The following SFXN5 variants were observed in gnomAD, a reference collection of about 807,000 sequenced individuals.
SFXN5 encodes the protein sideroflexin-5.
Under a neutral mutation model 50.2 loss-of-function variants are expected in SFXN5, and 43 were observed. The observed-to-expected ratio is 0.86, with a 90% CI of 0.67 to 1.11. The LOEUF (loss-of-function observed/expected upper bound fraction) is 1.11, where lower values mean the gene tolerates loss of function less well. Among genes scored for constraint, SFXN5 ranks in the 50% least tolerant of loss-of-function variants. The probability of loss-of-function intolerance (pLI) is 0.00; values close to 1 mark genes in which losing one functional copy is unlikely to be tolerated. For synonymous variants in SFXN5, 203 were observed against 185.8 expected, an observed-to-expected ratio of 1.09 and a Z score of -0.75; for missense variants, 463 against 454.1, an observed-to-expected ratio of 1.02 and a Z score of -0.18.
intron 4 of SFXN5, among the ~76,000 whole-genome samples, chr2:73,022,801 C>T (rs1237274254): frequency 1.3e-5 from 2 of 152,198 alleles, no homozygotes; most frequent in Non-Finnish European, 2.9e-5. Flanking sequence ...GGGCCATAAA[C>T]AGATAGCACC....
At position 73,067,248 on chromosome 2, in the gene SFXN5, G is replaced by T. The variant is rs10180412; in HGVS notation, c.102+4356C>A. Among the ~76,000 whole-genome samples the T allele has an allele frequency of 8.8e-3, 1,341 of 152,232 alleles. 23 individuals carry two copies. Among genetic ancestry groups the T allele is most frequent in the African/African-American group, 0.031 (1,271 of 41,528 alleles). ...ATAAAATATCTTCCAAAATTGTCAA[G>T]GTCATCAAAAACAAGCAAAGTCTGA... On this transcript the variant is annotated intron_variant, in intron 1 of 13. Coordinates refer to ENST00000272433, the MANE Select transcript of SFXN5 (RefSeq NM_144579.3).
At position 73,003,984 on chromosome 2, in the gene SFXN5, C is replaced by T. The variant is rs184087406; in HGVS notation, c.358-2406G>A. On this transcript the variant is annotated intron_variant, in intron 6 of 13. Coordinates refer to ENST00000272433, the MANE Select transcript of SFXN5 (RefSeq NM_144579.3). The stretch of plus-strand genomic sequence containing the variant: ...TGGATTGACTGATTTGATTTTGCCA[C>T]GCATTTCACTTATCATAATCCTCAT... Among the ~76,000 whole-genome samples the T allele has an allele frequency of 4.4e-3, 676 of 152,286 alleles. 7 individuals are homozygous for T. The highest frequency in any genetic ancestry group is 0.011 in the African/African-American group (477 of 41,560).
In SFXN5 at chr2:72,945,047, G is replaced by A. The variant is rs1282024075; in HGVS notation, c.998C>T (p.Thr333Ile). 3 of 1,613,842 alleles carry A rather than the reference G, an allele frequency of 1.9e-6. No homozygotes were observed. The highest frequency in any genetic ancestry group is 2.2e-5 in the South Asian group (2 of 91,058). The change falls in exon 14 of 14, where the codon ACA becomes ATA. Residue 333 changes from threonine to isoleucine, a missense_variant. Thr to Ile is a moderately conservative substitution (Grantham distance 89). Transcript: ENST00000272433. The surrounding 1 kb of genome is among the most constrained non-coding windows in gnomAD (Gnocchi z 5.8). ...PEIAQATSSR[T>I]VVYNKGL ...TCACAACCCCTTGTTGTACACCACT[G>A]TCCGGCTGCTCGTGGCCTGGGCTAT...
chr2:73,017,929 G>C (rs1424671816), intron 6 of SFXN5, among the ~76,000 whole-genome samples: 1 of 152,136 alleles, frequency 6.6e-6, no homozygotes, highest in Non-Finnish European at 1.5e-5. Flanking sequence ...AGAGAGTACT[G>C]TACAGACAAA....
chr2:73,040,946 AAAGAGACAT>A lies in SFXN5; in HGVS notation c.172-24_172-16del. Reference sequence around the variant, plus strand: ...CTGAGACGTCTCTGCAGAAGAAAGAAAAGAGACATTGAGGGGCACAGATCCAGGGCTCCC... The same window carrying A: ...CTGAGACGTCTCTGCAGAAGAAAGAATGAGGGGCACAGATCCAGGGCTCCC... On this transcript the variant is annotated splice_polypyrimidine_tract_variant and intron_variant, in intron 2 of 13. Transcript: ENST00000272433. 6.2e-7 allele frequency: 1 copy of A among 1,610,342 alleles called. No individual in the cohort carries two copies. The highest frequency in any genetic ancestry group is 1.1e-5 in the South Asian group (1 of 90,606).
Position 73,055,718 on chromosome 2 carries a change from G to A in SFXN5, c.171+2810C>T, listed in dbSNP as rs530807273. Among the ~76,000 whole-genome samples the A allele has an allele frequency of 5.3e-5, 8 of 150,698 alleles. 1 individual carries two copies. In the South Asian group the frequency reaches 1.1e-3, roughly 20 times the overall value. ...TGCAAGCTCCGCCTCCCAAGTTCAC[G>A]CCATTCTCCTGCCTCAGCTTCCTGA... On this transcript the variant is annotated intron_variant, in intron 2 of 13. Transcript: ENST00000272433.
chr2:72,977,131 G>A (rs1670712201), intron 10 of SFXN5, among the ~76,000 whole-genome samples: 1 of 152,158 alleles, frequency 6.6e-6, no homozygotes, highest in African/African-American at 2.4e-5. Flanking sequence ...CTTGTCCTCT[G>A]GACACTGGGT....
chr2:72,947,813 C>T (rs1199944310), intron 13 of SFXN5, among the ~76,000 whole-genome samples: 1 of 151,438 alleles, frequency 6.6e-6, no homozygotes, highest in Non-Finnish European at 1.5e-5. Flanking sequence ...AAACCACCTT[C>T]TCCCACCCCA....
At chr2:73,060,971 G>A (rs1553527927) in intron 1 of SFXN5, among the ~76,000 whole-genome samples, 1 of 151,398 alleles carries the variant, frequency 6.6e-6, no homozygotes, top group Non-Finnish European at 1.5e-5. Flanking sequence ...GAAGTGCTGG[G>A]ATTACAGGCG....
intron 1 of SFXN5, among the ~76,000 whole-genome samples, chr2:73,062,037 A>T (rs1187599110): frequency 6.6e-6 from 1 of 152,176 alleles, no homozygotes; most frequent in Non-Finnish European, 1.5e-5. Flanking sequence ...GGACCACTTC[A>T]GCCCAGGAGT....
intron 10 of SFXN5, among the ~76,000 whole-genome samples, chr2:72,975,029 T>C (rs1402337101): frequency 1.3e-5 from 2 of 152,154 alleles, no homozygotes; most frequent in African/African-American, 4.8e-5. Context: ...ATTGACACCA[T>C]TCAAGACTCA....
chr2:72,947,326 A>G (rs1672062872), intron 13 of SFXN5, among the ~76,000 whole-genome samples: 1 of 152,242 alleles, frequency 6.6e-6, no homozygotes, highest in African/African-American at 2.4e-5. Context: ...GTTCCCCTGG[A>G]GACACCACAT....
At chr2:73,056,370 G>A (rs1197800186) in intron 2 of SFXN5, among the ~76,000 whole-genome samples, 22 of 148,624 alleles carry the variant, frequency 1.5e-4, no homozygotes, top group Admixed American at 5.4e-4. Context: ...GGACAAGAGC[G>A]AGACTCTGTC....
At chr2:73,016,860 C>T (rs1367029206) in intron 6 of SFXN5, among the ~76,000 whole-genome samples, 1 of 152,070 alleles carries the variant, frequency 6.6e-6, no homozygotes, top group African/African-American at 2.4e-5. Flanking sequence ...TGAAAATGGG[C>T]ATTTTGTTGA....
At chr2:72,970,341 C>A (rs541713525) in intron 11 of SFXN5, among the ~76,000 whole-genome samples, 1 of 152,308 alleles carries the variant, frequency 6.6e-6, no homozygotes, top group African/African-American at 2.4e-5. Context: ...ACAGGAGGGT[C>A]CAGTGCCAGT....
intron 2 of SFXN5, among the ~76,000 whole-genome samples, chr2:73,045,811 C>T (rs1345587957): frequency 6.6e-6 from 1 of 152,110 alleles, no homozygotes; most frequent in Non-Finnish European, 1.5e-5. Flanking sequence ...TCCATGTTCC[C>T]ACCCAGCAGT....
At chr2:73,068,068 G>A (rs1295734364) in intron 1 of SFXN5, among the ~76,000 whole-genome samples, 2 of 152,148 alleles carry the variant, frequency 1.3e-5, no homozygotes, top group African/African-American at 4.8e-5. Context: ...TTCACACTCT[G>A]ACCCTCCACA....
intron 1 of SFXN5, among the ~76,000 whole-genome samples, chr2:73,066,206 C>T (rs894507912): frequency 6.6e-6 from 1 of 151,904 alleles, no homozygotes; most frequent in Admixed American, 6.6e-5. Flanking sequence ...TCTACAGGGA[C>T]GAACAACTGC....
intron 1 of SFXN5, among the ~76,000 whole-genome samples, chr2:73,062,164 C>A (rs1359167109): frequency 6.6e-6 from 1 of 152,134 alleles, no homozygotes; most frequent in Non-Finnish European, 1.5e-5. Flanking sequence ...AAGTATTATA[C>A]TTGATTAAGA....
Sources: gnomAD v4.1 joint callset for allele counts (sites outside exome capture counted in the v4.1 genomes callset) on GRCh38, gnomAD v4.1.1 for gene constraint, Gnocchi (gnomAD v3.1) non-coding constraint, MANE v1.5 for transcripts, NCBI Gene and HGNC (gene_info 2026-07-23, HGNC 2026-07-21) for gene names.